STIM2: variants seen among roughly 807,000 people sequenced by gnomAD.
STIM2 encodes stromal interaction molecule 2.
Under a neutral mutation model 85.8 loss-of-function variants are expected in STIM2, and 31 were observed. The observed-to-expected ratio is 0.36, with a 90% confidence interval of 0.27 to 0.49. The LOEUF (loss-of-function observed/expected upper bound fraction) is 0.49. Ranked by LOEUF, STIM2 falls within the 20% of genes least tolerant of loss-of-function variation. The pLI is 0.98. For synonymous variants in STIM2, 356 were observed against 331.1 expected (o/e 1.08, Z -0.82); for missense variants, 841 against 927.6 (o/e 0.91, Z 1.21).
chr4:26,960,428 A>G (rs561126412), intron 3 of STIM2, among the ~76,000 whole-genome samples: 2 of 152,318 alleles, frequency 1.3e-5, no homozygotes, highest in African/African-American at 2.4e-5. Context: ...ACACATGCAA[A>G]TATATGCATT....
intron 10 of STIM2, among the ~76,000 whole-genome samples, chr4:27,014,779 C>G (rs1479509154): frequency 3.3e-5 from 5 of 151,792 alleles, no homozygotes; most frequent in Non-Finnish European, 5.9e-5. Flanking sequence ...TTAAAATCTC[C>G]CATGGTGGTC....
chr4:26,906,440 GTTTTTT>G (rs1211425958), intron 1 of STIM2, among the ~76,000 whole-genome samples: 8 of 116,114 alleles, frequency 6.9e-5, no homozygotes, highest in African/African-American at 9.6e-5. Flanking sequence ...AAGTTTGTTT[GTTTTTT>G]TTTTTTTTTT....
In STIM2 at chr4:27,024,477, T is replaced by C. The variant is rs959006201; in HGVS notation, c.*1481T>C. On this transcript the variant is annotated 3_prime_UTR_variant, in exon 12 of 12. Coordinates refer to ENST00000467087, the MANE Select transcript of STIM2 (RefSeq NM_020860.4). Reference sequence around the variant, plus strand: ...TAACCCAGTGCTATTTAGGTGAAAATGCTAATTGATAAACCAGAAGTTTCT... The same window carrying C: ...TAACCCAGTGCTATTTAGGTGAAAACGCTAATTGATAAACCAGAAGTTTCT... 1 of 152,224 alleles carries C rather than the reference T, an allele frequency of 6.6e-6. No individual in the cohort carries two copies. Among genetic ancestry groups the C allele is most frequent in the Non-Finnish European group, 1.5e-5 (1 of 68,034 alleles). The allele number at this position is 152,224 out of a possible 1,614,324, so 9.4% of individuals were successfully genotyped here.
At chr4:27,018,081 G>T in intron 11 of STIM2, 97 bp downstream of exon 11, 1 of 1,527,104 alleles carries the variant, frequency 6.5e-7, no homozygotes, top group Admixed American at 1.8e-5. Flanking sequence ...TCCATTTTCT[G>T]TTGCTACATA....
chr4:26,909,699 T>A (rs1724261344), intron 1 of STIM2, among the ~76,000 whole-genome samples: 1 of 152,256 alleles, frequency 6.6e-6, no homozygotes, highest in Non-Finnish European at 1.5e-5. Flanking sequence ...ATAAAATTGA[T>A]CATTTTAACC....
intron 2 of STIM2, among the ~76,000 whole-genome samples, chr4:26,932,162 G>A (rs1725227368): frequency 6.6e-6 from 1 of 152,178 alleles, no homozygotes. Context: ...ATAGTTACAA[G>A]CTTGTAAATG....
In STIM2 at chr4:27,016,315, G is replaced by A. The variant is rs1167819555; in HGVS notation, c.1490-1396G>A. Among the ~76,000 whole-genome samples the A allele has an allele frequency of 2.0e-5, 3 of 152,058 alleles. No individual in the cohort carries two copies. The South Asian group carries it at 6.2e-4, about 31-fold the overall frequency. ...ATTGTTACAGCAGTTTCTTGTGTTT[G>A]CATAGCGGATTGCTTTCTCTCTCCT... On this transcript the variant is annotated intron_variant, in intron 10 of 11. Transcript: ENST00000467087.
At position 26,975,098 on chromosome 4, in the gene STIM2, A is replaced by C. The variant is rs538882527; in HGVS notation, c.397+17372A>C. ...AGTTTTCAGCTCCATCAGGTCATTT[A>C]AGGTCTTCCCTACACTGTTTATTCT... On this transcript the variant is annotated intron_variant, in intron 3 of 11. Transcript: ENST00000467087. Among the ~76,000 whole-genome samples, 44 of 151,662 alleles carry C rather than the reference A, an allele frequency of 2.9e-4. 1 individual carries two copies. The highest frequency in any genetic ancestry group is 1.0e-3 in the African/African-American group (43 of 41,348).
intron 2 of STIM2, among the ~76,000 whole-genome samples, chr4:26,934,680 G>T (rs898484365): frequency 3.3e-5 from 5 of 152,132 alleles, no homozygotes; most frequent in African/African-American, 1.2e-4. Context: ...TCGGGAGGCC[G>T]AGGTGGGTGA....
intron 2 of STIM2, among the ~76,000 whole-genome samples, chr4:26,948,022 C>G (rs1725905312): frequency 6.6e-6 from 1 of 152,082 alleles, no homozygotes; most frequent in Non-Finnish European, 1.5e-5. Context: ...AAATTCCATT[C>G]TAATTTACAA....
chr4:27,004,619 A>G (rs1728272629), intron 7 of STIM2, among the ~76,000 whole-genome samples: 1 of 152,178 alleles, frequency 6.6e-6, no homozygotes, highest in African/African-American at 2.4e-5. Flanking sequence ...AAGAGACAAT[A>G]TAAAAAAAGG....
intron 1 of STIM2, among the ~76,000 whole-genome samples, chr4:26,901,111 T>C (rs1428750544): frequency 6.6e-6 from 1 of 152,216 alleles, no homozygotes; most frequent in African/African-American, 2.4e-5. Context: ...TAGGACATGC[T>C]ACAAGGAGGG....
At chr4:26,906,063 A>T (rs1426248432) in intron 1 of STIM2, among the ~76,000 whole-genome samples, 3 of 152,174 alleles carry the variant, frequency 2.0e-5, no homozygotes, top group African/African-American at 4.8e-5. Context: ...ATTATTTTTT[A>T]AAAATTAAGA....
At chr4:26,955,910 A>C (rs992004796) in intron 2 of STIM2, among the ~76,000 whole-genome samples, 6 of 152,112 alleles carry the variant, frequency 3.9e-5, no homozygotes, top group African/African-American at 1.4e-4. Flanking sequence ...TTTGCTCCCA[A>C]GGTTGTTGAG....
At chr4:26,917,745 C>G (rs1724638735) in intron 1 of STIM2, among the ~76,000 whole-genome samples, 2 of 152,058 alleles carry the variant, frequency 1.3e-5, no homozygotes, top group Non-Finnish European at 2.9e-5. Context: ...CCTTATATAC[C>G]AGTTGGAATG....
intron 3 of STIM2, among the ~76,000 whole-genome samples, chr4:26,966,736 T>C (rs895889746): frequency 6.6e-6 from 1 of 152,098 alleles, no homozygotes; most frequent in Admixed American, 6.6e-5. Flanking sequence ...CATATATAAA[T>C]GTATAGCTCA....
At chr4:26,905,617 C>G (rs980666432) in intron 1 of STIM2, among the ~76,000 whole-genome samples, 1 of 151,986 alleles carries the variant, frequency 6.6e-6, no homozygotes, top group South Asian at 2.1e-4. Context: ...CAGTCTTGGT[C>G]GTGTTTTGTT....
rs75495371 is a variant in STIM2 at position 26,882,054 on chromosome 4, A to G, written c.151+20685A>G. Reference sequence around the variant, plus strand: ...TTGAAACAGAATCTTTGGTATTTTCAGTGAAATGTCATGTTTTTATTTCTT... The same window carrying G: ...TTGAAACAGAATCTTTGGTATTTTCGGTGAAATGTCATGTTTTTATTTCTT... On this transcript the variant is annotated intron_variant, in intron 1 of 11. Transcript: ENST00000467087. Among the ~76,000 whole-genome samples the G allele has an allele frequency of 4.0e-3, 613 of 152,306 alleles. 7 individuals are homozygous for G. Among genetic ancestry groups the G allele is most frequent in the African/African-American group, 0.014 (581 of 41,558 alleles).
intron 2 of STIM2, 92 bp downstream of exon 2, chr4:26,919,726 C>G: frequency 7.0e-7 from 1 of 1,428,194 alleles, no homozygotes; most frequent in South Asian, 1.4e-5. Context: ...CCTCATGTGG[C>G]TCATTGCCTT....
Sources: gnomAD v4.1 joint callset for allele counts (sites outside exome capture counted in the v4.1 genomes callset) on GRCh38, gnomAD v4.1.1 for gene constraint, MANE v1.5 for transcripts, NCBI Gene and HGNC (gene_info 2026-07-23, HGNC 2026-07-21) for gene names.